The following KIAA1217 variants were observed in gnomAD, a reference collection of about 807,000 sequenced individuals.
The protein encoded by KIAA1217 is sickle tail protein homolog.
In KIAA1217, 88 loss-of-function variants were observed where a neutral mutation model predicts 163.9. The observed-to-expected ratio is 0.54, with a 90% CI of 0.45 to 0.64. KIAA1217 has a LOEUF of 0.64. Among genes scored for constraint, KIAA1217 ranks in the 30% least tolerant of loss-of-function variants. The pLI is 0.00. For missense variants in KIAA1217, 2,372 were observed against 2,475.0 expected, an observed-to-expected ratio of 0.96 and a Z score of 0.88; for synonymous variants, 903 against 923.1, an observed-to-expected ratio of 0.98 and a Z score of 0.39.
chr10:24,477,043 C>T (rs1172368664), intron 6 of KIAA1217, among the ~76,000 whole-genome samples: 1 of 152,220 alleles, frequency 6.6e-6, no homozygotes, highest in Non-Finnish European at 1.5e-5. Context: ...GCCCTCAGCA[C>T]TCCTACATGC....
intron 3 of KIAA1217, among the ~76,000 whole-genome samples, chr10:24,382,066 T>C (rs1278962176): frequency 6.6e-6 from 1 of 152,150 alleles, no homozygotes; most frequent in Non-Finnish European, 1.5e-5. Flanking sequence ...TGCTTTGCTT[T>C]TTTAATTGCT....
chr10:24,237,028 A>C (rs2072378196), intron 2 of KIAA1217, among the ~76,000 whole-genome samples: 1 of 152,238 alleles, frequency 6.6e-6, no homozygotes, highest in African/African-American at 2.4e-5. Flanking sequence ...CTCCAAGTCA[A>C]TCATAGGTAC....
At chr10:23,912,616 A>G (rs1385460369) in intron 1 of KIAA1217, among the ~76,000 whole-genome samples, 1 of 152,140 alleles carries the variant, frequency 6.6e-6, no homozygotes, top group Non-Finnish European at 1.5e-5. Context: ...AATTCACTTA[A>G]AATAATGGCC....
intron 17 of KIAA1217, among the ~76,000 whole-genome samples, chr10:24,537,800 G>A (rs2074257166): frequency 6.6e-6 from 1 of 152,082 alleles, no homozygotes; most frequent in South Asian, 2.1e-4. Context: ...ATACATGTGT[G>A]ATGTCAAAAA....
chr10:24,152,068 C>G (rs1250477228), intron 2 of KIAA1217, among the ~76,000 whole-genome samples: 1 of 152,106 alleles, frequency 6.6e-6, no homozygotes, highest in South Asian at 2.1e-4. Context: ...CTTCCCCGCT[C>G]CCTCCCTCCC....
intron 1 of KIAA1217, among the ~76,000 whole-genome samples, chr10:24,216,342 G>A (rs936369777): frequency 3.9e-5 from 6 of 152,134 alleles, no homozygotes; most frequent in African/African-American, 1.2e-4. Flanking sequence ...ACTTTCTGCC[G>A]TTATTGCCGT....
chr10:23,818,110 C>T (rs10828557), intron 1 of KIAA1217, among the ~76,000 whole-genome samples: 1,331 of 130,772 alleles, frequency 0.01, 65 homozygotes, highest in African/African-American at 0.03. Flanking sequence ...CACACACACA[C>T]ATATATATAT....
At chr10:24,169,208 A>C (rs2065499829) in intron 2 of KIAA1217, among the ~76,000 whole-genome samples, 1 of 152,252 alleles carries the variant, frequency 6.6e-6, no homozygotes, top group Non-Finnish European at 1.5e-5. Context: ...TAAAGCTCAG[A>C]ACTTTAAGGA....
chr10:24,122,578 A>G (rs1038363100), intron 2 of KIAA1217, among the ~76,000 whole-genome samples: 21 of 152,162 alleles, frequency 1.4e-4, no homozygotes, highest in Non-Finnish European at 2.5e-4. Flanking sequence ...ATTCAGAAAT[A>G]CTATCCTCTC....
chr10:24,051,905 T>C (rs1225075483), intron 2 of KIAA1217, among the ~76,000 whole-genome samples: 1 of 152,154 alleles, frequency 6.6e-6, no homozygotes, highest in Non-Finnish European at 1.5e-5. Context: ...CTGTGTGTTG[T>C]CTGTTCACTC....
intron 1 of KIAA1217, among the ~76,000 whole-genome samples, chr10:23,703,659 C>G (rs779192682): frequency 2.6e-5 from 4 of 152,092 alleles, no homozygotes; most frequent in Non-Finnish European, 4.4e-5. Context: ...GGTCCCCATA[C>G]TGCACTGTTT....
chr10:24,121,562 A>G (rs1473371949), intron 2 of KIAA1217, among the ~76,000 whole-genome samples: 1 of 152,198 alleles, frequency 6.6e-6, no homozygotes, highest in Non-Finnish European at 1.5e-5. Context: ...ATGAGGAGGG[A>G]GATGTCAAAT....
intron 3 of KIAA1217, among the ~76,000 whole-genome samples, chr10:24,399,452 G>A (rs999567459): frequency 5.3e-5 from 8 of 152,150 alleles, no homozygotes; most frequent in Non-Finnish European, 8.8e-5. Flanking sequence ...CTAAGTTCAT[G>A]AGTTATTTTA....
chr10:23,910,019 T>C (rs935861119), intron 1 of KIAA1217, among the ~76,000 whole-genome samples: 1 of 152,132 alleles, frequency 6.6e-6, no homozygotes, highest in Non-Finnish European at 1.5e-5. Context: ...CTCATTGTGG[T>C]TTTGATTTGC....
At chr10:23,789,910 CAT>C (rs1268781083) in intron 1 of KIAA1217, among the ~76,000 whole-genome samples, 39 of 142,932 alleles carry the variant, frequency 2.7e-4, no homozygotes, top group African/African-American at 9.6e-4. Flanking sequence ...TATACATATA[CAT>C]ATGCATATAC....
chr10:23,797,847 C>A (rs1425988498), intron 1 of KIAA1217, among the ~76,000 whole-genome samples: 1 of 151,986 alleles, frequency 6.6e-6, no homozygotes, highest in Non-Finnish European at 1.5e-5. Context: ...TCCATTATAC[C>A]AAGTTATAGT....
chr10:23,746,362 C>T (rs541278076), intron 1 of KIAA1217, among the ~76,000 whole-genome samples: 102 of 152,142 alleles, frequency 6.7e-4, no homozygotes, highest in Non-Finnish European at 1.2e-3. Flanking sequence ...CCTGAGGAAC[C>T]GTGAGCCAAA....
chr10:24,387,970 C>G (rs918325011), intron 3 of KIAA1217, among the ~76,000 whole-genome samples: 1 of 152,106 alleles, frequency 6.6e-6, no homozygotes, highest in Non-Finnish European at 1.5e-5. Context: ...GTGAAAATGG[C>G]CATACTGCCC....
At chr10:24,238,233 T>C (rs1179499662) in intron 2 of KIAA1217, among the ~76,000 whole-genome samples, 1 of 152,232 alleles carries the variant, frequency 6.6e-6, no homozygotes, top group Non-Finnish European at 1.5e-5. Flanking sequence ...TTCAGCTCCC[T>C]GCTGAGTTCC....
Sources: allele counts gnomAD v4.1 joint callset (sites outside exome capture counted in the v4.1 genomes callset), GRCh38; gene constraint gnomAD v4.1.1; transcripts MANE v1.5; gene names NCBI Gene and HGNC (gene_info 2026-07-23, HGNC 2026-07-21).